TMED10: variants seen among roughly 807,000 people sequenced by gnomAD.
The protein encoded by TMED10 is transmembrane p24 trafficking protein 10, also known as transmembrane emp24 domain-containing protein 10.
TMED10 carries 7 observed loss-of-function variants against 23.1 expected under a neutral mutation model. The observed-to-expected ratio is 0.30, with a 90% CI of 0.17 to 0.57. The LOEUF is 0.57. Ranked by LOEUF, TMED10 falls within the 20% of genes least tolerant of loss-of-function variation. TMED10 has a pLI of 0.91. For synonymous variants in TMED10, 113 were observed against 106.9 expected (o/e 1.06, Z -0.35); for missense variants, 162 against 274.8 (o/e 0.59, Z 2.90).
Position 75,152,197 on chromosome 14 carries a change from C to T in TMED10, c.226-54G>A. ...CAGCAAATAACACTCAGGAAGAGAA[C>T]TTACAGAAACTGGGAAGATAGAGAC... is the stretch of plus-strand genomic sequence containing the variant. On this transcript the variant is annotated intron_variant, in intron 1 of 4. Transcript: ENST00000303575. The T allele has an allele frequency of 2.9e-6, 4 of 1,390,286 alleles. 1 individual carries two copies. The South Asian group carries it at 3.6e-5, about 12-fold the overall frequency. 86.1% of individuals were successfully genotyped at this position (1,390,286 alleles called of 1,614,324 possible).
chr14:75,168,621 GAGA>G (rs1484034959), intron 1 of TMED10, among the ~76,000 whole-genome samples: 2 of 152,168 alleles, frequency 1.3e-5, no homozygotes, highest in African/African-American at 2.4e-5. Flanking sequence ...AACAGGACCA[GAGA>G]AGAAGGGTTA....
chr14:75,156,712 G>A lies in TMED10; in HGVS notation c.226-4569C>T, dbSNP rs537729333. Among the ~76,000 whole-genome samples, 334 of 152,156 alleles carry A rather than the reference G, an allele frequency of 2.2e-3. 1 individual carries two copies. Among genetic ancestry groups the A allele is most frequent in the Admixed American group, 4.0e-3 (61 of 15,272 alleles). On this transcript the variant is annotated intron_variant, in intron 1 of 4. Coordinates refer to ENST00000303575, the MANE Select transcript of TMED10 (RefSeq NM_006827.6). ...TGTAATCCCAGCACTTTGGGAGGCCGAGGTGGGTGGATCATGAGGTCAAGA... is the reference window on the plus strand; with the variant it reads ...TGTAATCCCAGCACTTTGGGAGGCCAAGGTGGGTGGATCATGAGGTCAAGA...
At chr14:75,168,900 T>A (rs1344203270) in intron 1 of TMED10, among the ~76,000 whole-genome samples, 1 of 152,218 alleles carries the variant, frequency 6.6e-6, no homozygotes, top group Admixed American at 6.5e-5. Context: ...TATCTTTTCA[T>A]ACAACTTTTG....
chr14:75,154,799 G>A (rs894060884), intron 1 of TMED10, among the ~76,000 whole-genome samples: 4 of 152,054 alleles, frequency 2.6e-5, no homozygotes, highest in African/African-American at 9.7e-5. Flanking sequence ...AAGTGGCTGG[G>A]ATTACAGGCA....
chr14:75,135,717 A>T, intron 4 of TMED10, 43 bp downstream of exon 4: 2 of 1,603,840 alleles, frequency 1.2e-6, no homozygotes, highest in South Asian at 2.2e-5. Flanking sequence ...AGACTGTCTC[A>T]TTTATGGGTC....
At chr14:75,165,604 A>C (rs1486472546) in intron 1 of TMED10, among the ~76,000 whole-genome samples, 1 of 152,214 alleles carries the variant, frequency 6.6e-6, no homozygotes, top group Non-Finnish European at 1.5e-5. Context: ...GCTACATTTA[A>C]TGGGCATAAA....
intron 2 of TMED10, among the ~76,000 whole-genome samples, chr14:75,149,002 G>A (rs1247422061): frequency 1.3e-5 from 2 of 152,150 alleles, no homozygotes; most frequent in Non-Finnish European, 2.9e-5. Context: ...CTGTAGCCTC[G>A]AACTCCTGGG....
chr14:75,136,761 TTTTC>T (rs1339840401), intron 3 of TMED10: 2 of 152,232 alleles, frequency 1.3e-5, no homozygotes, highest in Non-Finnish European at 2.9e-5. Context: ...TTATGTATTT[TTTTC>T]TTTTAGAATG....
At chr14:75,175,182 T>C (rs903234707) in intron 1 of TMED10, among the ~76,000 whole-genome samples, 2 of 151,622 alleles carry the variant, frequency 1.3e-5, no homozygotes, top group African/African-American at 4.9e-5. Flanking sequence ...TACTGACAGA[T>C]ATCAAATTAT....
In TMED10 at chr14:75,163,042, C is replaced by T. The variant is rs926330239; in HGVS notation, c.226-10899G>A. On this transcript the variant is annotated intron_variant, in intron 1 of 4. Coordinates refer to ENST00000303575, the MANE Select transcript of TMED10 (RefSeq NM_006827.6). ...TTGAGTCCAGGAATTTGAGACCAGCCTGGGCAACACAGGAAGACCCTGCCT... is the reference window on the plus strand; with the variant it reads ...TTGAGTCCAGGAATTTGAGACCAGCTTGGGCAACACAGGAAGACCCTGCCT... 3.3e-5 allele frequency among the ~76,000 whole-genome samples: 5 copies of T among 151,684 alleles called. No individual in the cohort carries two copies. In the South Asian group the frequency reaches 8.4e-4, roughly 25 times the overall value.
intron 1 of TMED10, among the ~76,000 whole-genome samples, chr14:75,175,168 C>T (rs866038884): frequency 1.1e-4 from 16 of 151,464 alleles, no homozygotes; most frequent in African/African-American, 3.4e-4. Context: ...AAAATGCAAC[C>T]AAATACTGAC....
At chr14:75,170,122 G>C (rs959051459) in intron 1 of TMED10, among the ~76,000 whole-genome samples, 1 of 152,146 alleles carries the variant, frequency 6.6e-6, no homozygotes, top group Non-Finnish European at 1.5e-5. Flanking sequence ...AGCTACTTGG[G>C]AGGCTGAGGC....
intron 1 of TMED10, among the ~76,000 whole-genome samples, chr14:75,158,074 C>T (rs1423938516): frequency 1.3e-5 from 2 of 152,180 alleles, no homozygotes; most frequent in Admixed American, 1.3e-4. Flanking sequence ...TGTACAGTGG[C>T]CAAGAAAGAC....
intron 3 of TMED10, among the ~76,000 whole-genome samples, chr14:75,147,392 CCAT>C (rs1182249719): frequency 6.6e-6 from 1 of 152,094 alleles, no homozygotes; most frequent in Non-Finnish European, 1.5e-5. Context: ...CTTGGTGTCA[CCAT>C]GTTGACCAGG....
intron 2 of TMED10, among the ~76,000 whole-genome samples, chr14:75,149,235 G>T (rs935949552): frequency 5.9e-5 from 9 of 152,214 alleles, no homozygotes; most frequent in African/African-American, 2.2e-4. Context: ...GGACCTTTAA[G>T]AATTGACTAG....
At chr14:75,171,064 T>C (rs981484591) in intron 1 of TMED10, among the ~76,000 whole-genome samples, 3 of 152,148 alleles carry the variant, frequency 2.0e-5, no homozygotes, top group Non-Finnish European at 2.9e-5. Context: ...ATTGTGCAGA[T>C]GTGATTAAAT....
intron 1 of TMED10, among the ~76,000 whole-genome samples, chr14:75,155,363 G>A (rs1247147705): frequency 6.6e-6 from 1 of 152,198 alleles, no homozygotes; most frequent in Non-Finnish European, 1.5e-5. Flanking sequence ...TCTAAATGAG[G>A]AGAGGAGAGT....
rs201570953 is a variant in TMED10, at chr14:75,147,723, G to C, written c.352C>G (p.Pro118Ala). Residue 118 changes from proline to alanine, a missense_variant, in exon 3 of 5, where the codon CCT (proline) becomes GCT (alanine). Transcript: ENST00000303575. Reference protein sequence around the residue: ...CFESKGTGRIPDQLVILDMKH... With the variant: ...CFESKGTGRIADQLVILDMKH... ...ATGTCTAGGATCACGAGTTGGTCAG[G>C]TATCCGCCCTGTTCCTGAGAAAGAA... is the stretch of plus-strand genomic sequence containing the variant. The C allele has an allele frequency of 6.2e-7, 1 of 1,614,080 alleles. No homozygotes were observed. The highest frequency in any genetic ancestry group is 2.2e-5 in the East Asian group (1 of 44,886).
At position 75,132,242 on chromosome 14, in the gene TMED10, GC is replaced by G. The variant is rs1427850778; in HGVS notation, c.*2642del. 1 of 152,012 alleles carries G rather than the reference GC, an allele frequency of 6.6e-6. No individual in the cohort carries two copies. Among genetic ancestry groups the G allele is most frequent in the Non-Finnish European group, 1.5e-5 (1 of 68,018 alleles). 9.4% of individuals were successfully genotyped at this position (152,012 alleles called of 1,614,324 possible). The stretch of plus-strand genomic sequence containing the variant: ...GCTTCTACTGAAAATACAAAAATTA[GC>G]CAGGCATGGTGGTGTGCACCTATAT... On this transcript the variant is annotated 3_prime_UTR_variant, in exon 5 of 5. Coordinates refer to ENST00000303575, the MANE Select transcript of TMED10 (RefSeq NM_006827.6).
Sources: gnomAD v4.1 joint callset for allele counts (sites outside exome capture counted in the v4.1 genomes callset) on GRCh38, gnomAD v4.1.1 for gene constraint, MANE v1.5 for transcripts, NCBI Gene and HGNC (gene_info 2026-07-23, HGNC 2026-07-21) for gene names.